The following PNN variants were observed in gnomAD, a reference collection of about 807,000 sequenced individuals.
The protein encoded by PNN is pinin, desmosome associated protein.
In PNN, 38 loss-of-function variants were observed where a neutral mutation model predicts 76.6. That is an observed-to-expected ratio of 0.50 (90% CI 0.38 to 0.65). The LOEUF (loss-of-function observed/expected upper bound fraction) is 0.65, where lower values mean the gene tolerates loss of function less well. Among genes scored for constraint, PNN ranks in the 30% least tolerant of loss-of-function variants. PNN has a pLI of 0.00. For synonymous variants in PNN, 366 were observed against 283.7 expected (o/e 1.29, Z -2.91); for missense variants, 873 against 874.1 (o/e 1.00, Z 0.02).
chr14:39,179,419 A>C lies in PNN; in HGVS notation c.750A>C (p.Pro250=). The C allele has an allele frequency of 6.2e-7, 1 of 1,613,338 alleles. No homozygotes were observed. The highest frequency in any genetic ancestry group is 8.5e-7 in the Non-Finnish European group (1 of 1,179,384). ...HLFYIPGRMC[P]ATQKLIEESQ... ...TTTATATTCCTGGAAGAATGTGTCC[A>C]GCTACCCAAAAACTAATAGAAGAGT... Residue 250 remains proline (P), a synonymous_variant, in exon 8 of 9, where the codon CCA becomes CCC. Coordinates refer to ENST00000216832, the MANE Select transcript of PNN (RefSeq NM_002687.4).
At position 39,178,724 on chromosome 14, in the gene PNN, GAAAAAA is replaced by G. The variant is rs61670617; in HGVS notation, c.499-350_499-345del. On this transcript the variant is annotated intron_variant, in intron 6 of 8. Coordinates refer to ENST00000216832, the MANE Select transcript of PNN (RefSeq NM_002687.4). ...CGGCCTGCAGATACCTTTACATAGT[GAAAAAA>G]AAAAAAAAAAAAAAAATTTTTTTTG... is the stretch of plus-strand genomic sequence containing the variant. 9.2e-3 allele frequency among the ~76,000 whole-genome samples: 1,056 copies of G among 114,188 alleles called. 16 individuals carry two copies. Among genetic ancestry groups the G allele is most frequent in the African/African-American group, 0.034 (1,005 of 29,790 alleles). The allele number at this position is 114,188 out of a possible 152,430, so 74.9% of individuals were successfully genotyped here.
In PNN at chr14:39,178,583, C is replaced by CT. The variant is rs374443980; in HGVS notation, c.499-499dup. On this transcript the variant is annotated intron_variant, in intron 6 of 8. Coordinates refer to ENST00000216832, the MANE Select transcript of PNN (RefSeq NM_002687.4). ...GCAGATACCTTTTTTTTTTCTTTTT[C>CT]TTTTTTTTTGTAGAGATGGGGTTTT... Among the ~76,000 whole-genome samples the CT allele has an allele frequency of 1.0e-3, 146 of 146,632 alleles. 1 individual carries two copies. The highest frequency in any genetic ancestry group is 3.1e-3 in the African/African-American group (125 of 40,144).
rs1306557706 is a variant in PNN at position 39,181,682 on chromosome 14, C to T, written c.1973C>T (p.Ser658Leu). 1 of 1,613,936 alleles carries T rather than the reference C, an allele frequency of 6.2e-7. No individual in the cohort carries two copies. The highest frequency in any genetic ancestry group is 8.5e-7 in the Non-Finnish European group (1 of 1,179,906). ...GTGGATCGGAAGAGAAGGGATACTT[C>T]AGGACTAGAAAGAAGTCACAAATCT... ...RSVDRKRRDT[S>L]GLERSHKSSK... Residue 658 changes from serine (S) to leucine (L), a missense_variant, in exon 9 of 9, where the codon TCA (serine) becomes TTA (leucine). Physicochemically the swap from Ser to Leu is moderately radical, Grantham distance 145 (BLOSUM62 -2). Transcript: ENST00000216832.
In PNN at chr14:39,181,149, T is replaced by C; in HGVS notation, c.1440T>C (p.Ser480=). The change falls in exon 9 of 9, where the codon TCT becomes TCC. Residue 480 remains serine (S), a synonymous_variant. Transcript: ENST00000216832. ...CTGTGGCTCAACCTCAGCCTCAGTC[T>C]CAGCCCCAGCTTCAGCTTCAATCCC... The part of the protein sequence containing the change: ...PEPVAQPQPQ[S]QPQLQLQSQS... 10 of 1,607,932 alleles carry C rather than the reference T, an allele frequency of 6.2e-6. No homozygotes were observed. Among genetic ancestry groups the C allele is most frequent in the Non-Finnish European group, 8.5e-6 (10 of 1,174,408 alleles).
chr14:39,175,997 T>C (rs1436782766), intron 1 of PNN, 81 bp from the exon 2 acceptor site: 28 of 751,336 alleles, frequency 3.7e-5, no homozygotes, highest in Admixed American at 9.3e-5. Flanking sequence ...TTTCTCCTTA[T>C]GATCCACATC....
In PNN at chr14:39,181,316, A is replaced by C; in HGVS notation, c.1607A>C (p.Lys536Thr). ...ERKDFPVESV[K>T]LTEVPVEPVL... ...AAGGATTTTCCTGTAGAGTCTGTAA[A>C]ACTCACTGAGGTACCAGTAGAGCCA... Residue 536 changes from lysine to threonine, a missense_variant, in exon 9 of 9, where the codon AAA (lysine) becomes ACA (threonine). Physicochemically the swap from Lys to Thr is moderately conservative, Grantham distance 78 (BLOSUM62 -1). Around this residue, in one of 3 missense-constraint regions of PNN, gnomAD observed 712 missense variants for 693.1 expected, o/e 1.03. Coordinates refer to ENST00000216832, the MANE Select transcript of PNN (RefSeq NM_002687.4). 1.9e-6 allele frequency: 3 copies of C among 1,614,188 alleles called. No individual in the cohort carries two copies. The highest frequency in any genetic ancestry group is 1.7e-6 in the Non-Finnish European group (2 of 1,180,002).
chr14:39,181,593 T>C lies in PNN; in HGVS notation c.1884T>C (p.Ser628=), dbSNP rs2053270527. 6.2e-7 allele frequency: 1 copy of C among 1,613,626 alleles called. No homozygotes were observed. ...ATAGTAGCAGTAGCACTAGTAGTAGTAGTGAGAGTAGAAGTCGGAGTAGGG... is the reference window on the plus strand; with the variant it reads ...ATAGTAGCAGTAGCACTAGTAGTAGCAGTGAGAGTAGAAGTCGGAGTAGGG... The part of the protein sequence containing the change: ...SRDSSSSTSS[S]SESRSRSRGR... The change falls in exon 9 of 9, where the codon AGT becomes AGC. Residue 628 remains serine (S), a synonymous_variant. Coordinates refer to ENST00000216832, the MANE Select transcript of PNN (RefSeq NM_002687.4).
intron 3 of PNN, among the ~76,000 whole-genome samples, chr14:39,177,050 G>T (rs1159614555): frequency 6.6e-6 from 1 of 152,336 alleles, no homozygotes; most frequent in African/African-American, 2.4e-5. Flanking sequence ...GAGGGCATTT[G>T]CCCTTGGTGT....
Position 39,179,409 on chromosome 14 carries a change from G to C in PNN, c.740G>C (p.Arg247Thr), listed in dbSNP as rs1224459046. Reference protein sequence around the residue: ...TKPHLFYIPGRMCPATQKLIE... With the variant: ...TKPHLFYIPGTMCPATQKLIE... ...CCCCATTTGTTTTATATTCCTGGAA[G>C]AATGTGTCCAGCTACCCAAAAACTA... The change falls in exon 8 of 9, where the codon AGA (arginine) becomes ACA (threonine). Residue 247 changes from arginine (R) to threonine (T), a missense_variant. Transcript: ENST00000216832. 6.2e-7 allele frequency: 1 copy of C among 1,612,770 alleles called. No individual in the cohort carries two copies. Among genetic ancestry groups the C allele is most frequent in the Non-Finnish European group, 8.5e-7 (1 of 1,179,000 alleles).
chr14:39,178,016 C>CTT lies in PNN; in HGVS notation c.498+101_498+102insTT, dbSNP rs1162979238. 27 of 791,480 alleles carry CTT rather than the reference C, an allele frequency of 3.4e-5. 1 individual carries two copies. The Admixed American group carries it at 5.7e-4, about 17-fold the overall frequency. The allele number at this position is 791,480 out of a possible 1,614,324, so 49.0% of individuals were successfully genotyped here. ...TCCTTAAAGCTCTTTTAAGACCTAA[C>CTT]TGTAAACCTGAAACAAAGCCAAGTA... On this transcript the variant is annotated intron_variant, in intron 6 of 8. Coordinates refer to ENST00000216832, the MANE Select transcript of PNN (RefSeq NM_002687.4).
intron 4 of PNN, 45 bp downstream of exon 4, chr14:39,177,529 T>G: frequency 1.9e-6 from 3 of 1,592,922 alleles, no homozygotes; most frequent in Non-Finnish European, 2.6e-6. Context: ...ACCTTCACTT[T>G]ACTACATTTA....
intron 3 of PNN, among the ~76,000 whole-genome samples, 164 bp downstream of exon 3, chr14:39,176,759 A>C (rs1359062626): frequency 6.6e-6 from 1 of 152,128 alleles, no homozygotes; most frequent in Non-Finnish European, 1.5e-5. Context: ...ACAGTTGACT[A>C]TCAGTTCCCT....
intron 8 of PNN, 27 bp from the exon 9 acceptor site, chr14:39,180,476 T>C: frequency 2.0e-6 from 3 of 1,516,394 alleles, no homozygotes; most frequent in Non-Finnish European, 2.6e-6. Flanking sequence ...TCGGTAAATT[T>C]TACACATGTA....
At chr14:39,176,427 T>A (rs778606953) in intron 2 of PNN, 100 bp from the exon 3 acceptor site, 1 of 904,184 alleles carries the variant, frequency 1.1e-6, no homozygotes, top group Non-Finnish European at 1.7e-6. Flanking sequence ...GCTACTTTAG[T>A]TGGAAAGATT....
At chr14:39,178,684 G>A (rs1356747951) in intron 6 of PNN, among the ~76,000 whole-genome samples, 1 of 147,078 alleles carries the variant, frequency 6.8e-6, no homozygotes, top group Non-Finnish European at 1.5e-5. Context: ...GATGACAGGT[G>A]TGAGCCACTG....
chr14:39,176,202 A>G (rs1358829898), intron 2 of PNN, 53 bp downstream of exon 2: 3 of 1,029,606 alleles, frequency 2.9e-6, no homozygotes, highest in East Asian at 2.4e-5. Flanking sequence ...ACTTTACTAA[A>G]TATGTTGGTT....
At chr14:39,176,223 C>T (rs1350972136) in intron 2 of PNN, 74 bp downstream of exon 2, 82 of 877,314 alleles carry the variant, frequency 9.3e-5, no homozygotes, top group South Asian at 1.4e-5. Flanking sequence ...TGAACAAAAC[C>T]TGTGATAAAA....
rs147006215 is a variant in PNN, at chr14:39,175,769, G to A, written c.114-309G>A. The A allele has an allele frequency of 3.4e-5, 16 of 472,116 alleles. No homozygotes were observed. In the East Asian group the frequency reaches 4.8e-4, roughly 14 times the overall value. 29.2% of individuals were successfully genotyped at this position (472,116 alleles called of 1,614,324 possible). On this transcript the variant is annotated intron_variant, in intron 1 of 8. Transcript: ENST00000216832. Reference sequence around the variant, plus strand: ...CCGAGACCCTGCCGGGACGCAACAAGCCGCCTTACCCCAGCTTCCTGTCCA... The same window carrying A: ...CCGAGACCCTGCCGGGACGCAACAAACCGCCTTACCCCAGCTTCCTGTCCA...
chr14:39,176,743 G>A, intron 3 of PNN, 148 bp downstream of exon 3: 1 of 630,798 alleles, frequency 1.6e-6, no homozygotes, highest in Non-Finnish European at 2.7e-6. Context: ...GTTGGTATTT[G>A]ACTGAACAGT....
Sources: allele counts gnomAD v4.1 joint callset (sites outside exome capture counted in the v4.1 genomes callset), GRCh38; gene constraint gnomAD v4.1.1; regional missense constraint gnomAD v4.1.1; transcripts MANE v1.5; gene names NCBI Gene and HGNC (gene_info 2026-07-23, HGNC 2026-07-21).